Variants in PCDHGA2 observed in about 807,000 individuals in gnomAD.
The protein encoded by PCDHGA2 is protocadherin gamma subfamily A, 2.
PCDHGA2 carries 40 observed loss-of-function variants against 59.2 expected under a neutral mutation model. The ratio of observed to expected loss-of-function variants is 0.68; its 90% CI spans 0.52 to 0.88. The LOEUF (loss-of-function observed/expected upper bound fraction) is 0.88. Ranked by LOEUF, PCDHGA2 falls within the 40% of genes least tolerant of loss-of-function variation. PCDHGA2 has a pLI of 0.00. For synonymous variants in PCDHGA2, 560 were observed against 526.0 expected (o/e 1.06, Z -0.89); for missense variants, 1,226 against 1,204.0 (o/e 1.02, Z -0.27).
intron 1 of PCDHGA2, chr5:141,356,746 GCT>G: frequency 1.2e-6 from 2 of 1,613,970 alleles, no homozygotes. Flanking sequence ...GATCCTATAT[GCT>G]CTTTGCTCCT....
At chr5:141,384,906 C>T (rs767972748) in intron 1 of PCDHGA2, 4 of 1,613,882 alleles carry the variant, frequency 2.5e-6, no homozygotes, top group Non-Finnish European at 3.4e-6. Flanking sequence ...ACAGCATCCC[C>T]GAAGTCTTGG....
At chr5:141,415,754 T>TTG in intron 1 of PCDHGA2, 4 of 1,385,736 alleles carry the variant, frequency 2.9e-6, no homozygotes, top group South Asian at 1.7e-5. Flanking sequence ...TTTTTTTTTT[T>TTG]TTTTTTTTTT....
intron 1 of PCDHGA2, chr5:141,423,689 G>T: frequency 7.1e-7 from 1 of 1,400,130 alleles, no homozygotes; most frequent in Non-Finnish European, 9.4e-7. Context: ...CCTCCTAATT[G>T]TTGGTGTCTT....
At chr5:141,384,606 A>AGATGGT in intron 1 of PCDHGA2, 1 of 1,614,152 alleles carries the variant, frequency 6.2e-7, no homozygotes, top group Non-Finnish European at 8.5e-7. Context: ...CCCTCCCCAC[A>AGATGGT]GATGGTTCTA....
At position 141,340,888 on chromosome 5, in the gene PCDHGA2, G is replaced by A. The variant is rs574331313; in HGVS notation, c.1917G>A (p.Lys639=). ...CCCTGCTGGACAGAGACGCGCTCAA[G>A]CAGAGCCTCGTGGTGGCCATCCAGG... ...ARALLDRDAL[K]QSLVVAIQDH... Residue 639 remains lysine, a synonymous_variant, in exon 1 of 4, where the codon AAG becomes AAA. Transcript: ENST00000394576. 2.2e-5 allele frequency: 36 copies of A among 1,613,690 alleles called. No individual in the cohort carries two copies. In the East Asian group the frequency reaches 7.1e-4, roughly 32 times the overall value.
rs745961736 is a variant in PCDHGA2, at chr5:141,372,460, A to G, written c.2424+31065A>G. On this transcript the variant is annotated intron_variant, in intron 1 of 3. Coordinates refer to ENST00000394576, the MANE Select transcript of PCDHGA2 (RefSeq NM_018915.4). ...CCCTCTGACCCTCAGGCGGAGCTAC[A>G]GTTTCACCTAGTAGTGGCGTTGGCC... 6.2e-5 allele frequency: 100 copies of G among 1,614,006 alleles called. 1 individual carries two copies. The South Asian group carries it at 1.1e-3, about 17-fold the overall frequency.
Position 141,510,363 on chromosome 5 carries a change from G to A in PCDHGA2, c.2573-584G>A, listed in dbSNP as rs973832487. Among the ~76,000 whole-genome samples the A allele has an allele frequency of 7.8e-5, 11 of 141,564 alleles. No individual in the cohort carries two copies. In the East Asian group the frequency reaches 1.6e-3, roughly 21 times the overall value. 92.9% of individuals were successfully genotyped at this position (141,564 alleles called of 152,430 possible). The stretch of plus-strand genomic sequence containing the variant: ...CCACACACTTACTAACGGAACTACC[G>A]AATCTCTACTCGTGCCAGGCCTTGC... On this transcript the variant is annotated intron_variant, in intron 3 of 3. Coordinates refer to ENST00000394576, the MANE Select transcript of PCDHGA2 (RefSeq NM_018915.4).
intron 1 of PCDHGA2, among the ~76,000 whole-genome samples, chr5:141,442,846 C>T (rs1489647686): frequency 2.6e-5 from 4 of 152,234 alleles, no homozygotes; most frequent in Non-Finnish European, 4.4e-5. Context: ...AAATCTTGGC[C>T]ATTGTAGTAT....
At chr5:141,420,228 G>C (rs750839002) in intron 1 of PCDHGA2, 3 of 1,603,310 alleles carry the variant, frequency 1.9e-6, no homozygotes, top group Non-Finnish European at 2.6e-6. Flanking sequence ...CTACTGGCTA[G>C]CATTTTAACT....
At chr5:141,492,168 A>C (rs1426223836) in intron 1 of PCDHGA2, among the ~76,000 whole-genome samples, 1 of 152,108 alleles carries the variant, frequency 6.6e-6, no homozygotes, top group African/African-American at 2.4e-5. Context: ...CTATCCCCGC[A>C]TCACCCAACC....
intron 2 of PCDHGA2, among the ~76,000 whole-genome samples, chr5:141,504,253 G>A (rs1036263329): frequency 6.6e-6 from 1 of 152,100 alleles, no homozygotes; most frequent in Non-Finnish European, 1.5e-5. Context: ...TTCTTCTTAT[G>A]GTTTAGTATT....
rs1046764113 is a variant in PCDHGA2, at chr5:141,495,395, G to A, written c.2483+530G>A. Among the ~76,000 whole-genome samples the A allele has an allele frequency of 4.1e-4, 62 of 152,326 alleles. 1 individual carries two copies. The highest frequency in any genetic ancestry group is 1.4e-3 in the African/African-American group (57 of 41,576). On this transcript the variant is annotated intron_variant, in intron 2 of 3. Transcript: ENST00000394576. Reference sequence around the variant, plus strand: ...GAGGAAGGACTGGGCGGGGCATGGAGCAGGCCCCCTTCTCCGGCCCCTCCT... The same window carrying A: ...GAGGAAGGACTGGGCGGGGCATGGAACAGGCCCCCTTCTCCGGCCCCTCCT...
intron 1 of PCDHGA2, chr5:141,418,804 T>C (rs368948947): frequency 3.3e-5 from 54 of 1,613,718 alleles, no homozygotes; most frequent in African/African-American, 5.3e-5. Flanking sequence ...TAGAAAGATA[T>C]ACGATAAACA....
intron 1 of PCDHGA2, chr5:141,345,416 T>C: frequency 1.2e-6 from 2 of 1,613,780 alleles, no homozygotes; most frequent in Non-Finnish European, 1.7e-6. Flanking sequence ...CCGCCTACAT[T>C]CCAGAAAACA....
intron 2 of PCDHGA2, among the ~76,000 whole-genome samples, chr5:141,499,326 C>T (rs1465474737): frequency 6.6e-6 from 1 of 152,156 alleles, no homozygotes. Context: ...TATCCCTGCT[C>T]TCTCTCAGTT....
intron 1 of PCDHGA2, among the ~76,000 whole-genome samples, chr5:141,472,422 C>T (rs1328468154): frequency 6.6e-6 from 1 of 152,008 alleles, no homozygotes; most frequent in East Asian, 1.9e-4. Flanking sequence ...GCACCTGTAT[C>T]CCAGCTACTA....
At chr5:141,390,533 A>G (rs1589127549) in intron 1 of PCDHGA2, 1 of 529,950 alleles carries the variant, frequency 1.9e-6, no homozygotes. Context: ...GTGTGGTTTT[A>G]ACCACAAAGT....
chr5:141,451,256 A>T (rs376288655), intron 1 of PCDHGA2, among the ~76,000 whole-genome samples: 1 of 152,212 alleles, frequency 6.6e-6, no homozygotes, highest in African/African-American at 2.4e-5. Context: ...GTGGATCAGG[A>T]CTGGGTATAG....
chr5:141,419,610 C>T (rs779657777), intron 1 of PCDHGA2: 162 of 1,612,012 alleles, frequency 1.0e-4, no homozygotes, highest in Non-Finnish European at 1.3e-4. Flanking sequence ...GCCGCGCAGC[C>T]AGGCTACCTG....
Sources: allele counts gnomAD v4.1 joint callset (sites outside exome capture counted in the v4.1 genomes callset), GRCh38; gene constraint gnomAD v4.1.1; transcripts MANE v1.5; gene names NCBI Gene and HGNC (gene_info 2026-07-23, HGNC 2026-07-21).